Variants in MSRA observed in about 807,000 individuals in gnomAD.
The protein encoded by MSRA is methionine sulfoxide reductase A, also known as mitochondrial peptide methionine sulfoxide reductase.
A neutral mutation model predicts 31.3 loss-of-function variants in MSRA; 54 were observed. That is an observed-to-expected ratio of 1.73 (90% CI 1.39 to 2.17). MSRA has a LOEUF of 2.17. Among genes scored for constraint, MSRA ranks in the 30% most tolerant of loss-of-function variants. The pLI is 0.00. For synonymous variants in MSRA, 169 were observed against 116.5 expected, an observed-to-expected ratio of 1.45 and a Z score of -2.90; for missense variants, 507 against 300.9, an observed-to-expected ratio of 1.69 and a Z score of -5.07.
intron 1 of MSRA, among the ~76,000 whole-genome samples, chr8:10,090,545 C>T: frequency 6.6e-6 from 1 of 152,200 alleles, no homozygotes; most frequent in East Asian, 1.9e-4. Flanking sequence ...ATGTAATTCA[C>T]ATGCCATAAA....
chr8:10,125,307 C>G (rs1197175629), intron 1 of MSRA, among the ~76,000 whole-genome samples: 1 of 152,188 alleles, frequency 6.6e-6, no homozygotes, highest in Non-Finnish European at 1.5e-5. Context: ...TGGGGAGTTT[C>G]TTGCAGAGTG....
At chr8:10,400,041 C>G (rs1475179486) in intron 5 of MSRA, among the ~76,000 whole-genome samples, 2 of 152,278 alleles carry the variant, frequency 1.3e-5, no homozygotes, top group African/African-American at 4.8e-5. Context: ...TGTTTAGGGA[C>G]TAGCAGCCAT....
intron 5 of MSRA, among the ~76,000 whole-genome samples, chr8:10,338,786 T>C (rs1803223613): frequency 6.6e-6 from 1 of 152,224 alleles, no homozygotes; most frequent in Non-Finnish European, 1.5e-5. Flanking sequence ...TGGTGATTCA[T>C]ACAACTTCAG....
intron 3 of MSRA, among the ~76,000 whole-genome samples, chr8:10,298,810 G>A (rs1359800779): frequency 6.6e-6 from 1 of 152,228 alleles, no homozygotes; most frequent in East Asian, 1.9e-4. Flanking sequence ...TTTGGCTTGT[G>A]TATTTCTTAT....
At chr8:10,146,650 G>T (rs925080674) in intron 1 of MSRA, among the ~76,000 whole-genome samples, 6 of 152,146 alleles carry the variant, frequency 3.9e-5, no homozygotes, top group Non-Finnish European at 8.8e-5. Context: ...CCATCGGATT[G>T]TATACTTTAA....
intron 5 of MSRA, among the ~76,000 whole-genome samples, chr8:10,324,136 G>T (rs769772898): frequency 1.3e-5 from 2 of 152,206 alleles, no homozygotes; most frequent in Admixed American, 6.5e-5. Context: ...GCACTGTCCA[G>T]TGGAGGGCCT....
At chr8:10,398,024 T>A (rs2129182645) in intron 5 of MSRA, among the ~76,000 whole-genome samples, 1 of 152,336 alleles carries the variant, frequency 6.6e-6, no homozygotes, top group Middle Eastern at 3.4e-3. Context: ...TAAAGAAGAT[T>A]GGCTTTAATT....
At chr8:10,307,983 G>A (rs1449364275) in intron 4 of MSRA, among the ~76,000 whole-genome samples, 2 of 152,188 alleles carry the variant, frequency 1.3e-5, no homozygotes, top group Non-Finnish European at 2.9e-5. Flanking sequence ...TGGCCTTAGA[G>A]GAAGGGGCAT....
At position 10,417,216 on chromosome 8, in the gene MSRA, G is replaced by A. The variant is rs112891913; in HGVS notation, c.544-10932G>A. On this transcript the variant is annotated intron_variant, in intron 5 of 5. Coordinates refer to ENST00000317173, the MANE Select transcript of MSRA (RefSeq NM_012331.5). ...AAAGCTGGGAGGGTCAGTGAGCTCC[G>A]ATGGGGGCTTGTAAAGGCTTCAGCC... Among the ~76,000 whole-genome samples the A allele has an allele frequency of 9.4e-3, 1,428 of 152,222 alleles. 22 individuals carry two copies. Among genetic ancestry groups the A allele is most frequent in the African/African-American group, 0.033 (1,369 of 41,544 alleles).
chr8:10,124,602 C>T (rs1801367267), intron 1 of MSRA, among the ~76,000 whole-genome samples: 1 of 152,166 alleles, frequency 6.6e-6, no homozygotes, highest in South Asian at 2.1e-4. Flanking sequence ...AGACACCAGT[C>T]AGTAAATAGA....
intron 1 of MSRA, among the ~76,000 whole-genome samples, chr8:10,127,558 C>T (rs900468209): frequency 6.6e-6 from 1 of 152,160 alleles, no homozygotes. Context: ...ACTAGAGTCA[C>T]TCAGATGAAA....
At chr8:10,055,344 G>A (rs1259904984) in intron 1 of MSRA, among the ~76,000 whole-genome samples, 1 of 152,240 alleles carries the variant, frequency 6.6e-6, no homozygotes, top group Non-Finnish European at 1.5e-5. Flanking sequence ...CTAGAAAAAT[G>A]TTCACGTGCT....
At chr8:10,138,645 A>C (rs1362015399) in intron 1 of MSRA, among the ~76,000 whole-genome samples, 1 of 152,014 alleles carries the variant, frequency 6.6e-6, no homozygotes, top group Non-Finnish European at 1.5e-5. Context: ...TTGCATTTTG[A>C]ATGGAATAGA....
At chr8:10,117,809 G>C (rs748956234) in intron 1 of MSRA, among the ~76,000 whole-genome samples, 37 of 152,190 alleles carry the variant, frequency 2.4e-4, no homozygotes, top group Non-Finnish European at 4.3e-4. Context: ...AATATTGTCA[G>C]AGAAACCCTA....
At chr8:10,157,627 CTA>C (rs1804266228) in intron 1 of MSRA, among the ~76,000 whole-genome samples, 1 of 151,790 alleles carries the variant, frequency 6.6e-6, no homozygotes, top group Admixed American at 6.6e-5. Flanking sequence ...TTTTTACACT[CTA>C]AAATAATAAT....
At chr8:10,072,811 A>G (rs1196491975) in intron 1 of MSRA, among the ~76,000 whole-genome samples, 1 of 152,162 alleles carries the variant, frequency 6.6e-6, no homozygotes, top group African/African-American at 2.4e-5. Context: ...GATCTTGTGC[A>G]TGTTTGCTAT....
At chr8:10,367,911 G>T (rs1194249308) in intron 5 of MSRA, among the ~76,000 whole-genome samples, 1 of 152,246 alleles carries the variant, frequency 6.6e-6, no homozygotes, top group Non-Finnish European at 1.5e-5. Flanking sequence ...CTGCTCGTTT[G>T]TCCGTGGCAG....
At chr8:10,301,842 C>A (rs922370293) in intron 4 of MSRA, among the ~76,000 whole-genome samples, 1 of 152,090 alleles carries the variant, frequency 6.6e-6, no homozygotes, top group Non-Finnish European at 1.5e-5. Flanking sequence ...GGCGCCCCTG[C>A]CCCCCTTACA....
At chr8:10,214,323 G>A (rs940725734) in intron 2 of MSRA, among the ~76,000 whole-genome samples, 2 of 152,102 alleles carry the variant, frequency 1.3e-5, no homozygotes, top group African/African-American at 4.8e-5. Context: ...CCTCCAAGGA[G>A]AGTGAGATCA....
Sources: gnomAD v4.1 joint callset for allele counts (sites outside exome capture counted in the v4.1 genomes callset) on GRCh38, gnomAD v4.1.1 for gene constraint, MANE v1.5 for transcripts, NCBI Gene and HGNC (gene_info 2026-07-23, HGNC 2026-07-21) for gene names.